DDAH1: variants seen among roughly 807,000 people sequenced by gnomAD.
DDAH1 encodes the protein N(G),N(G)-dimethylarginine dimethylaminohydrolase 1.
A neutral mutation model predicts 28.8 loss-of-function variants in DDAH1; 19 were observed. That is an observed-to-expected ratio of 0.66 (90% CI 0.46 to 0.97). DDAH1 has a LOEUF of 0.97. Ranked by LOEUF, DDAH1 falls within the 50% of genes least tolerant of loss-of-function variation. The pLI is 0.00. For missense variants in DDAH1, 326 were observed against 375.9 expected, an observed-to-expected ratio of 0.87 and a Z score of 1.10; for synonymous variants, 153 against 154.4, an observed-to-expected ratio of 0.99 and a Z score of 0.07.
At chr1:85,542,558 T>TTTTA (rs1303793739) in intron 1 of DDAH1, among the ~76,000 whole-genome samples, 1 of 152,154 alleles carries the variant, frequency 6.6e-6, no homozygotes, top group Non-Finnish European at 1.5e-5. Flanking sequence ...AATGTGAGGG[T>TTTTA]TCAAGAGCTA....
In DDAH1 at chr1:85,321,569, C is replaced by T; in HGVS notation, c.742-1G>A. On this transcript the variant is annotated splice_acceptor_variant, in intron 5 of 5. Transcript: ENST00000284031. LOFTEE classifies it high-confidence loss of function. ...TATGGTCCTTCAGTTTCTCATAAACCTACAGTGGGAATCAAGGAAAAGGAA... is the reference window on the plus strand; with the variant it reads ...TATGGTCCTTCAGTTTCTCATAAACTTACAGTGGGAATCAAGGAAAAGGAA... The T allele has an allele frequency of 3.1e-6, 5 of 1,603,358 alleles. No homozygotes were observed. The highest frequency in any genetic ancestry group is 4.3e-6 in the Non-Finnish European group (5 of 1,170,368).
chr1:85,437,905 T>A (rs565898347), intron 1 of DDAH1, among the ~76,000 whole-genome samples: 8 of 152,170 alleles, frequency 5.3e-5, no homozygotes, highest in African/African-American at 9.7e-5. Flanking sequence ...CTTCTCACAA[T>A]AGCAAAGACA....
chr1:85,325,533 G>A (rs978840110), intron 4 of DDAH1, among the ~76,000 whole-genome samples: 8 of 151,824 alleles, frequency 5.3e-5, no homozygotes, highest in Non-Finnish European at 8.8e-5. Context: ...GATTTTGGGT[G>A]AGGCATAGGA....
intron 4 of DDAH1, among the ~76,000 whole-genome samples, chr1:85,341,324 T>C (rs1210218054): frequency 6.6e-6 from 1 of 152,208 alleles, no homozygotes; most frequent in Non-Finnish European, 1.5e-5. Context: ...GAAGAGACAG[T>C]AATAAGAGGT....
rs768956201 is a variant in DDAH1, at chr1:85,321,526, T to C, written c.784A>G (p.Met262Val). 6.2e-7 allele frequency: 1 copy of C among 1,614,188 alleles called. No individual in the cohort carries two copies. Among genetic ancestry groups the C allele is most frequent in the Admixed American group, 1.7e-5 (1 of 60,030 alleles). Residue 262 changes from methionine to valine, a missense_variant, in exon 6 of 6, where the codon ATG (methionine) becomes GTG (valine). Transcript: ENST00000284031. ...LKDHMLIPVS[M>V]SELEKVDGLL... ...CCATCCACCTTTTCCAGTTCAGACA[T>C]GCTCACGGGGATCAGCATATGGTCC...
At chr1:85,364,717 T>C (rs533622416) in intron 1 of DDAH1, among the ~76,000 whole-genome samples, 1 of 152,262 alleles carries the variant, frequency 6.6e-6, no homozygotes, top group South Asian at 2.1e-4. Context: ...GCTAATTTTG[T>C]ATTTTTAGTA....
intron 4 of DDAH1, among the ~76,000 whole-genome samples, chr1:85,343,684 CCT>C (rs1308503679): frequency 1.3e-5 from 2 of 152,166 alleles, no homozygotes; most frequent in Non-Finnish European, 2.9e-5. Context: ...TTTCAATCAC[CCT>C]GTTGATATGA....
chr1:85,410,100 G>A (rs535522943), intron 1 of DDAH1, among the ~76,000 whole-genome samples: 1 of 149,112 alleles, frequency 6.7e-6, no homozygotes, highest in Non-Finnish European at 1.5e-5. Context: ...GGGCAACATG[G>A]CACAACCCCA....
At chr1:85,474,252 C>G (rs975880) in intron 2 of DDAH1, among the ~76,000 whole-genome samples, 29 of 152,156 alleles carry the variant, frequency 1.9e-4, no homozygotes, top group Non-Finnish European at 3.2e-4. Flanking sequence ...TAGATTACTG[C>G]AACAGCCATC....
Position 85,354,911 on chromosome 1 carries a change from A to G in DDAH1, c.404-3332T>C, listed in dbSNP as rs572240241. On this transcript the variant is annotated intron_variant, in intron 2 of 5. Coordinates refer to ENST00000284031, the MANE Select transcript of DDAH1 (RefSeq NM_012137.4). The stretch of plus-strand genomic sequence containing the variant: ...AAAAAAAGAGAACAGAGTAAAAAGA[A>G]AGAAATGTGAAGGAAGGAAATACAG... 7.9e-5 allele frequency among the ~76,000 whole-genome samples: 12 copies of G among 152,188 alleles called. No homozygotes were observed. In the South Asian group the frequency reaches 2.5e-3, roughly 32 times the overall value.
In DDAH1 at chr1:85,482,164, G is replaced by A. The variant is rs1412025657; in HGVS notation, c.-7+14002C>T. On this transcript the variant is annotated intron_variant, in intron 2 of 6. Transcript: ENST00000426972. ...CTAATGTAACCTACTTCCTACTGAGGATTGAGGTTTTAAGGTTTTGTTTTC... is the reference window on the plus strand; with the variant it reads ...CTAATGTAACCTACTTCCTACTGAGAATTGAGGTTTTAAGGTTTTGTTTTC... 8 of 152,146 alleles carry A rather than the reference G, an allele frequency of 5.3e-5. No homozygotes were observed. The East Asian group carries it at 1.3e-3, about 26-fold the overall frequency. 9.4% of individuals were successfully genotyped at this position (152,146 alleles called of 1,614,324 possible). A position where few individuals can be genotyped will look rare whatever the true frequency, so the allele number is the denominator to read the frequency against.
intron 1 of DDAH1, among the ~76,000 whole-genome samples, chr1:85,518,351 C>T (rs557480473): frequency 2.6e-4 from 39 of 152,284 alleles, no homozygotes; most frequent in African/African-American, 9.4e-4. Context: ...GGCAGGGTTG[C>T]ACTCCTTCCT....
At chr1:85,390,222 A>G (rs550362182) in intron 1 of DDAH1, among the ~76,000 whole-genome samples, 3 of 152,282 alleles carry the variant, frequency 2.0e-5, no homozygotes, top group Non-Finnish European at 4.4e-5. Flanking sequence ...TAGGGATCAT[A>G]TATCAGCTTT....
At chr1:85,362,380 T>C (rs576636054) in intron 1 of DDAH1, among the ~76,000 whole-genome samples, 6 of 152,322 alleles carry the variant, frequency 3.9e-5, no homozygotes, top group African/African-American at 1.4e-4. Context: ...TCATGGTCAC[T>C]GAGAATATTA....
At chr1:85,342,417 A>AG (rs1334404793) in intron 4 of DDAH1, among the ~76,000 whole-genome samples, 1 of 142,616 alleles carries the variant, frequency 7.0e-6, no homozygotes, top group Non-Finnish European at 1.6e-5. Context: ...TGTGTGTTGG[A>AG]GGAGGAGGTA....
chr1:85,483,031 C>T (rs1656064111), intron 2 of DDAH1, among the ~76,000 whole-genome samples: 1 of 152,054 alleles, frequency 6.6e-6, no homozygotes, highest in Non-Finnish European at 1.5e-5. Flanking sequence ...TCGAGGCCAG[C>T]CTGGCCAACA....
At chr1:85,559,764 C>A (rs1440209730) in intron 1 of DDAH1, among the ~76,000 whole-genome samples, 6 of 147,768 alleles carry the variant, frequency 4.1e-5, no homozygotes, top group Non-Finnish European at 7.5e-5. Context: ...GAGGGCATAG[C>A]AAATTAGAAT....
At chr1:85,366,960 A>T (rs1261466875) in intron 1 of DDAH1, among the ~76,000 whole-genome samples, 1 of 152,176 alleles carries the variant, frequency 6.6e-6, no homozygotes, top group Non-Finnish European at 1.5e-5. Context: ...TTTTCCTATA[A>T]GAGAGACGTC....
chr1:85,426,177 TTTATGTTTTCCC>T (rs1223912885), intron 1 of DDAH1, among the ~76,000 whole-genome samples: 2 of 152,216 alleles, frequency 1.3e-5, no homozygotes, highest in African/African-American at 4.8e-5. Context: ...AAAGTTTTCC[TTTATGTTTTCCC>T]ATTCCTTGTT....
Sources: gnomAD v4.1 joint callset for allele counts (sites outside exome capture counted in the v4.1 genomes callset) on GRCh38, gnomAD v4.1.1 for gene constraint, MANE v1.5 for transcripts, NCBI Gene and HGNC (gene_info 2026-07-23, HGNC 2026-07-21) for gene names.